ADSL: variants seen among roughly 807,000 people sequenced by gnomAD.
ADSL encodes adenylosuccinate lyase, also known as adenylosuccinase.
A neutral mutation model predicts 62.1 loss-of-function variants in ADSL; 44 were observed. That is an observed-to-expected ratio of 0.71 (90% confidence interval 0.56 to 0.91). ADSL has a LOEUF of 0.91. Ranked by LOEUF, ADSL falls within the 40% of genes least tolerant of loss-of-function variation. ADSL has a pLI of 0.00. For synonymous variants in ADSL, 198 were observed against 220.5 expected (o/e 0.90, Z 0.90); for missense variants, 531 against 627.4 (o/e 0.85, Z 1.64).
At position 40,359,124 on chromosome 22, in the gene ADSL, C is replaced by A. The variant is rs1041418456; in HGVS notation, c.654+89C>A. ...CTTTGAGGATGATAGGAGAGATTGA[C>A]TGTGGGATGGGTGGGGTCTTTCGAC... is the stretch of plus-strand genomic sequence containing the variant. On this transcript the variant is annotated intron_variant, in intron 5 of 12. Coordinates refer to ENST00000623063, the MANE Select transcript of ADSL (RefSeq NM_000026.4). 3.1e-6 allele frequency: 5 copies of A among 1,591,190 alleles called. No homozygotes were observed. In the African/African-American group the frequency reaches 6.7e-5, roughly 21 times the overall value.
At chr22:40,379,065 T>G (rs1394650043) in intron 2 of ADSL, among the ~76,000 whole-genome samples, 1 of 152,226 alleles carries the variant, frequency 6.6e-6, no homozygotes, top group African/African-American at 2.4e-5. Flanking sequence ...CCTATGGTTC[T>G]TCCTGCCTCA....
At chr22:40,371,144 G>T (rs1025355085), downstream of ADSL, among the ~76,000 whole-genome samples, 8 of 152,356 alleles carry the variant, frequency 5.3e-5, no homozygotes, top group Non-Finnish European at 1.2e-4. Flanking sequence ...CAGAACCCGG[G>T]CTCGGATCCA....
chr22:40,376,669 C>T (rs1342454209), intron 2 of ADSL, among the ~76,000 whole-genome samples: 1 of 152,166 alleles, frequency 6.6e-6, no homozygotes, highest in Admixed American at 6.6e-5. Flanking sequence ...TGCCCATTTA[C>T]AGGTGAGACA....
intron 2 of ADSL, chr22:40,387,174 AGTGTGAT>A (rs2048606620): frequency 2.5e-6 from 1 of 398,542 alleles, no homozygotes; most frequent in East Asian, 3.6e-5. Flanking sequence ...TGTGCTTAGC[AGTGTGAT>A]GAATGCTTAA....
intron 4 of ADSL, among the ~76,000 whole-genome samples, chr22:40,356,302 C>T (rs1393775780): frequency 1.3e-5 from 2 of 151,604 alleles, no homozygotes; most frequent in East Asian, 1.9e-4. Flanking sequence ...TTTGGGAGGC[C>T]GAGGCAGGTG....
intron 1 of ADSL, 127 bp from the exon 2 acceptor site, chr22:40,349,705 A>AT (rs2044272605): frequency 3.3e-6 from 3 of 897,058 alleles, no homozygotes; most frequent in Non-Finnish European, 5.3e-6. Flanking sequence ...GTTGCCTCAA[A>AT]TTTTAATTTA....
chr22:40,358,879 C>A lies in ADSL; in HGVS notation c.498C>A (p.Thr166=). 6.2e-7 allele frequency: 1 copy of A among 1,614,128 alleles called. No homozygotes were observed. The highest frequency in any genetic ancestry group is 1.6e-4 in the Middle Eastern group (1 of 6,062). The stretch of plus-strand genomic sequence containing the variant: ...GGGTTTTCAGGCCTGCACAGCTGAC[C>A]ACAGTTGGGAAACGTTGCTGTCTTT... ...GFTHFQPAQL[T]TVGKRCCLWI... Residue 166 remains threonine, a synonymous_variant, in exon 5 of 13, where the codon ACC becomes ACA. Coordinates refer to ENST00000623063, the MANE Select transcript of ADSL (RefSeq NM_000026.4).
Position 40,358,872 on chromosome 22 carries a change from A to T in ADSL, c.491A>T (p.Gln164Leu). The T allele has an allele frequency of 1.2e-6, 2 of 1,614,188 alleles. No homozygotes were observed. Among genetic ancestry groups the T allele is most frequent in the Non-Finnish European group, 1.7e-6 (2 of 1,180,036 alleles). Residue 164 changes from glutamine (Q) to leucine (L), a missense_variant, in exon 5 of 13, where the codon CAG becomes CTG. By Grantham distance (113) the Gln-to-Leu change is moderately radical. Transcript: ENST00000623063. ...TCTCTTTGGGTTTTCAGGCCTGCACAGCTGACCACAGTTGGGAAACGTTGC... is the reference window on the plus strand; with the variant it reads ...TCTCTTTGGGTTTTCAGGCCTGCACTGCTGACCACAGTTGGGAAACGTTGC... ...TLGFTHFQPA[Q>L]LTTVGKRCCL...
At position 40,369,277 on chromosome 22, in the gene ADSL, T is replaced by G. The variant is rs2045111598; in HGVS notation, c.*2755T>G. The G allele has an allele frequency of 6.6e-6, 1 of 152,110 alleles. No individual in the cohort carries two copies. The allele number at this position is 152,110 out of a possible 1,614,324, so 9.4% of individuals were successfully genotyped here. A position where few individuals can be genotyped will look rare whatever the true frequency, so the allele number is the denominator to read the frequency against. ...TGGATTTGTTGGTGCATCTCTTGTC[T>G]TCTTTCCTTTTCCATTCTCCTTTAT... On this transcript the variant is annotated 3_prime_UTR_variant, in exon 13 of 13. Transcript: ENST00000623063.
rs1239499787 is a variant in ADSL at position 40,361,260 on chromosome 22, C to T, written c.793-13C>T. The T allele has an allele frequency of 2.5e-6, 4 of 1,613,556 alleles. No homozygotes were observed. In the East Asian group the frequency reaches 6.7e-5, roughly 27 times the overall value. On this transcript the variant is annotated splice_polypyrimidine_tract_variant and intron_variant, in intron 7 of 12. Coordinates refer to ENST00000623063, the MANE Select transcript of ADSL (RefSeq NM_000026.4). The stretch of plus-strand genomic sequence containing the variant: ...ACAGTGTGGGGTGATGCTTATTCCC[C>T]TACCTCCCCCAGATTTGCACCGACA...
intron 2 of ADSL, chr22:40,376,497 C>T (rs2046629889): frequency 6.6e-6 from 1 of 152,158 alleles, no homozygotes; most frequent in Admixed American, 6.5e-5. Flanking sequence ...AGTTATCTGT[C>T]ATGCCTCATT....
At chr22:40,348,546 A>C (rs960529343) in intron 1 of ADSL, 1 of 398,340 alleles carries the variant, frequency 2.5e-6, no homozygotes, top group Non-Finnish European at 4.4e-6. Flanking sequence ...ACGCCCGGCA[A>C]ATTTTTGTGT....
chr22:40,381,378 G>A (rs2047556032), intron 2 of ADSL, among the ~76,000 whole-genome samples: 1 of 152,014 alleles, frequency 6.6e-6, no homozygotes. Context: ...CAAACTCTTG[G>A]GCTCAAGTGA....
At chr22:40,372,687 T>TAATC (rs955754908), downstream of ADSL, 7 of 152,154 alleles carry the variant, frequency 4.6e-5, no homozygotes, top group African/African-American at 1.7e-4. Flanking sequence ...AGGGAGGAGA[T>TAATC]AATCATCTCT....
At chr22:40,372,046 C>A (rs2045612111), downstream of ADSL, among the ~76,000 whole-genome samples, 1 of 151,198 alleles carries the variant, frequency 6.6e-6, no homozygotes, top group South Asian at 2.1e-4. Flanking sequence ...TTTTGATAAT[C>A]CTAAGTGAAT....
At position 40,364,969 on chromosome 22, in the gene ADSL, C is replaced by G. The variant is rs762422248; in HGVS notation, c.1281C>G (p.Ile427Met). Residue 427 changes from isoleucine to methionine, a missense_variant, in exon 12 of 13, where the codon ATC becomes ATG. Transcript: ENST00000623063. ...GTGACAATGACCTCATAGAGCGTAT[C>G]CAGGTTGATGCCTACTTCAGTCCCA... Reference protein sequence around the residue: ...EGGDNDLIERIQVDAYFSPIH... With the variant: ...EGGDNDLIERMQVDAYFSPIH... 6.2e-7 allele frequency: 1 copy of G among 1,614,040 alleles called. No homozygotes were observed. The highest frequency in any genetic ancestry group is 2.2e-5 in the East Asian group (1 of 44,888).
Position 40,368,324 on chromosome 22 carries a change from T to TGTTGTGAGGGAGAGG in ADSL, c.*1802_*1803insGTTGTGAGGGAGAGG, listed in dbSNP as rs2045059228. On this transcript the variant is annotated 3_prime_UTR_variant, in exon 13 of 13. Transcript: ENST00000623063. ...ATGTTGTGAGGGAGAGGAGGCTGAA[T>TGTTGTGAGGGAGAGG]CGGTTCCAGTTTTATTTAAAAGTAG... is the stretch of plus-strand genomic sequence containing the variant. 6.6e-6 allele frequency: 1 copy of TGTTGTGAGGGAGAGG among 152,058 alleles called. No individual in the cohort carries two copies. The highest frequency in any genetic ancestry group is 1.5e-5 in the Non-Finnish European group (1 of 68,006). 9.4% of individuals were successfully genotyped at this position (152,058 alleles called of 1,614,324 possible). A position where few individuals can be genotyped will look rare whatever the true frequency, so the allele number is the denominator to read the frequency against.
chr22:40,366,957 G>T lies in ADSL; in HGVS notation c.*435G>T. On this transcript the variant is annotated 3_prime_UTR_variant, in exon 13 of 13. Transcript: ENST00000623063. ...ATTTTTGGCTAGTATAAGTGATGAAGTTTGGAACTACAGTAAATACTTAAA... is the reference window on the plus strand; with the variant it reads ...ATTTTTGGCTAGTATAAGTGATGAATTTTGGAACTACAGTAAATACTTAAA... The T allele has an allele frequency of 6.2e-6, 1 of 161,850 alleles. No individual in the cohort carries two copies. The highest frequency in any genetic ancestry group is 1.3e-5 in the Non-Finnish European group (1 of 76,240). The allele number at this position is 161,850 out of a possible 1,614,324, so 10.0% of individuals were successfully genotyped here. A position where few individuals can be genotyped will look rare whatever the true frequency, so the allele number is the denominator to read the frequency against.
In ADSL at chr22:40,368,265, G is replaced by A. The variant is rs1466947354; in HGVS notation, c.*1743G>A. 1 of 152,178 alleles carries A rather than the reference G, an allele frequency of 6.6e-6. No homozygotes were observed. The highest frequency in any genetic ancestry group is 2.4e-5 in the African/African-American group (1 of 41,422). 9.4% of individuals were successfully genotyped at this position (152,178 alleles called of 1,614,324 possible). A position where few individuals can be genotyped will look rare whatever the true frequency, so the allele number is the denominator to read the frequency against. ...TAGCAACCTACACTCAATCCCCCAG[G>A]TCAGGCAGAAGCTGGAAGACTGCCT... On this transcript the variant is annotated 3_prime_UTR_variant, in exon 13 of 13. Coordinates refer to ENST00000623063, the MANE Select transcript of ADSL (RefSeq NM_000026.4).
Sources: gnomAD v4.1 joint callset for allele counts (sites outside exome capture counted in the v4.1 genomes callset) on GRCh38, gnomAD v4.1.1 for gene constraint, MANE v1.5 for transcripts, NCBI Gene and HGNC (gene_info 2026-07-23, HGNC 2026-07-21) for gene names.